SCAMP1: variants seen among roughly 807,000 people sequenced by gnomAD.
The protein encoded by SCAMP1 is secretory carrier-associated membrane protein 1.
SCAMP1 carries 15 observed loss-of-function variants against 41.8 expected under a neutral mutation model. The ratio of observed to expected loss-of-function variants is 0.36; its 90% CI spans 0.24 to 0.55. The LOEUF (loss-of-function observed/expected upper bound fraction) is 0.55. Among genes scored for constraint, SCAMP1 ranks in the 20% least tolerant of loss-of-function variants. The probability of loss-of-function intolerance (pLI) is 0.86; values close to 1 mark genes in which losing one functional copy is unlikely to be tolerated. For missense variants in SCAMP1, 341 were observed against 412.6 expected, an observed-to-expected ratio of 0.83 and a Z score of 1.50; for synonymous variants, 135 against 136.8, an observed-to-expected ratio of 0.99 and a Z score of 0.09.
At chr5:78,425,451 T>TC (rs1297707341) in intron 6 of SCAMP1, among the ~76,000 whole-genome samples, 5 of 152,212 alleles carry the variant, frequency 3.3e-5, no homozygotes, top group African/African-American at 1.2e-4. Context: ...TTTTAGTTTT[T>TC]CATATATATT....
At position 78,475,492 on chromosome 5, in the gene SCAMP1, G is replaced by A. The variant is rs776750345; in HGVS notation, c.853-12G>A. The A allele has an allele frequency of 5.8e-6, 9 of 1,547,832 alleles. No homozygotes were observed. Among genetic ancestry groups the A allele is most frequent in the Middle Eastern group, 3.6e-4 (2 of 5,606 alleles). On this transcript the variant is annotated splice_polypyrimidine_tract_variant and intron_variant, in intron 8 of 8. Coordinates refer to ENST00000621999, the MANE Select transcript of SCAMP1 (RefSeq NM_004866.6). ...GCTACTTACCTTCTCCCACTTTTTT[G>A]TGCCTCTGTAGGTACATGGACTATA...
intron 3 of SCAMP1, 64 bp from the exon 4 acceptor site, chr5:78,416,477 A>G: frequency 8.3e-7 from 1 of 1,210,480 alleles, no homozygotes; most frequent in Non-Finnish European, 1.2e-6. Flanking sequence ...AGGAGTTAGC[A>G]TATAAATGTT....
chr5:78,459,790 A>G lies in SCAMP1; in HGVS notation c.852+428A>G, dbSNP rs188785772. 3.8e-4 allele frequency among the ~76,000 whole-genome samples: 58 copies of G among 152,262 alleles called. No individual in the cohort carries two copies. The East Asian group carries it at 0.011, about 29-fold the overall frequency. On this transcript the variant is annotated intron_variant, in intron 8 of 8. Coordinates refer to ENST00000621999, the MANE Select transcript of SCAMP1 (RefSeq NM_004866.6). ...TTTTAATTTTTTATTATAAATTCAG[A>G]GGGAACATGTGCAGGTTTGTTACAT...
At chr5:78,468,061 A>G (rs144246230) in intron 8 of SCAMP1, among the ~76,000 whole-genome samples, 1 of 152,190 alleles carries the variant, frequency 6.6e-6, no homozygotes, top group African/African-American at 2.4e-5. Context: ...GCTCTGTCCT[A>G]TATATTTATC....
intron 1 of SCAMP1, among the ~76,000 whole-genome samples, chr5:78,369,237 G>C (rs191137343): frequency 1.3e-5 from 2 of 152,018 alleles, no homozygotes; most frequent in Non-Finnish European, 2.9e-5. Flanking sequence ...CTCCCGAGTA[G>C]CTGGGACTAT....
At chr5:78,468,833 A>G (rs975189561) in intron 8 of SCAMP1, among the ~76,000 whole-genome samples, 2 of 152,198 alleles carry the variant, frequency 1.3e-5, no homozygotes, top group Non-Finnish European at 1.5e-5. Flanking sequence ...TTTTATGGTA[A>G]ATGCTTTGTG....
intron 4 of SCAMP1, among the ~76,000 whole-genome samples, chr5:78,417,810 A>C (rs1180522167): frequency 6.6e-6 from 1 of 152,200 alleles, no homozygotes; most frequent in African/African-American, 2.4e-5. Flanking sequence ...TGAGAAATGA[A>C]CTATATGAAA....
chr5:78,445,005 A>G (rs1753019026), intron 6 of SCAMP1, among the ~76,000 whole-genome samples: 1 of 152,214 alleles, frequency 6.6e-6, no homozygotes, highest in African/African-American at 2.4e-5. Context: ...CTTATCTGCT[A>G]TGTTGAGTTG....
At chr5:78,438,178 T>G (rs1752813964) in intron 6 of SCAMP1, among the ~76,000 whole-genome samples, 2 of 152,204 alleles carry the variant, frequency 1.3e-5, no homozygotes, top group Non-Finnish European at 2.9e-5. Flanking sequence ...CTGGATTCAT[T>G]GATTTTTTGA....
chr5:78,428,321 A>G (rs528480529), intron 6 of SCAMP1, among the ~76,000 whole-genome samples: 109 of 152,252 alleles, frequency 7.2e-4, no homozygotes, highest in African/African-American at 2.6e-3. Context: ...TATATTTTGT[A>G]AATTATCTTT....
At chr5:78,443,121 G>A (rs1295403699) in intron 6 of SCAMP1, among the ~76,000 whole-genome samples, 1 of 150,142 alleles carries the variant, frequency 6.7e-6, no homozygotes, top group Non-Finnish European at 1.5e-5. Flanking sequence ...GCTGAGGCAG[G>A]AGAATGGCAT....
chr5:78,424,505 G>A (rs1203423497), intron 6 of SCAMP1, among the ~76,000 whole-genome samples: 4 of 152,078 alleles, frequency 2.6e-5, no homozygotes, highest in African/African-American at 9.7e-5. Flanking sequence ...AGAGGCTGGC[G>A]GATCACATGA....
intron 1 of SCAMP1, among the ~76,000 whole-genome samples, chr5:78,365,460 C>T (rs1018774798): frequency 1.1e-4 from 12 of 109,608 alleles, no homozygotes; most frequent in African/African-American, 3.7e-4. Context: ...GGCGACAGTG[C>T]GAGACTCATC....
At chr5:78,439,778 G>A (rs565292024) in intron 6 of SCAMP1, among the ~76,000 whole-genome samples, 1 of 152,244 alleles carries the variant, frequency 6.6e-6, no homozygotes, top group South Asian at 2.1e-4. Flanking sequence ...GTAGGTTGGG[G>A]AAGTTTTCCT....
At chr5:78,394,111 A>C (rs1377262474) in intron 2 of SCAMP1, among the ~76,000 whole-genome samples, 2 of 152,172 alleles carry the variant, frequency 1.3e-5, no homozygotes, top group East Asian at 3.9e-4. Flanking sequence ...GAAGAACCAC[A>C]AGAGAAAATT....
intron 6 of SCAMP1, among the ~76,000 whole-genome samples, chr5:78,447,927 CCCTT>C: frequency 1.3e-5 from 1 of 74,962 alleles, no homozygotes; most frequent in African/African-American, 5.5e-5. Context: ...GCCTCCTTCC[CCCTT>C]CCTCCCTCCT....
intron 7 of SCAMP1, among the ~76,000 whole-genome samples, chr5:78,451,039 A>G (rs1156396914): frequency 1.3e-5 from 2 of 152,242 alleles, no homozygotes; most frequent in African/African-American, 4.8e-5. Flanking sequence ...TTAAAAATAT[A>G]CTGCTTACTT....
rs1252218723 is a variant in SCAMP1, at chr5:78,430,159, CAGTA to C, written c.632+8200_632+8203del. On this transcript the variant is annotated intron_variant, in intron 6 of 8. Transcript: ENST00000621999. The stretch of plus-strand genomic sequence containing the variant: ...TAAATACAGTATTTATTTATAAATA[CAGTA>C]TTTATTTATAAATACAGTATTTATT... Among the ~76,000 whole-genome samples the C allele has an allele frequency of 1.2e-3, 53 of 44,834 alleles. 1 individual carries two copies. The highest frequency in any genetic ancestry group is 3.5e-3 in the African/African-American group (50 of 14,088). 29.4% of individuals were successfully genotyped at this position (44,834 alleles called of 152,430 possible). A position where few individuals can be genotyped will look rare whatever the true frequency, so the allele number is the denominator to read the frequency against.
Position 78,436,628 on chromosome 5 carries a change from T to C in SCAMP1, c.633-13305T>C, listed in dbSNP as rs139684303. Among the ~76,000 whole-genome samples, 1,304 of 152,354 alleles carry C rather than the reference T, an allele frequency of 8.6e-3. 21 individuals carry two copies. Among genetic ancestry groups the C allele is most frequent in the African/African-American group, 0.029 (1,219 of 41,574 alleles). On this transcript the variant is annotated intron_variant, in intron 6 of 8. Transcript: ENST00000621999. ...ACCATGCTGTTTGGTTACTGTAGCC[T>C]TGTAGTATAGTTTGAACTCAGGTAG...
Sources: gnomAD v4.1 joint callset for allele counts (sites outside exome capture counted in the v4.1 genomes callset) on GRCh38, gnomAD v4.1.1 for gene constraint, MANE v1.5 for transcripts, NCBI Gene and HGNC (gene_info 2026-07-23, HGNC 2026-07-21) for gene names.